The following TDRD3 variants were observed in gnomAD, a reference collection of about 807,000 sequenced individuals.
The protein encoded by TDRD3 is tudor domain-containing protein 3.
In TDRD3, 45 loss-of-function variants were observed where a neutral mutation model predicts 86.7. The observed-to-expected ratio is 0.52, with a 90% CI of 0.41 to 0.67. The LOEUF is 0.67. TDRD3 is among the 30% of genes least tolerant of loss of function. TDRD3 has a pLI of 0.00. For synonymous variants in TDRD3, 298 were observed against 301.7 expected (o/e 0.99, Z 0.13); for missense variants, 814 against 889.0 (o/e 0.92, Z 1.07).
intron 12 of TDRD3, among the ~76,000 whole-genome samples, chr13:60,557,822 T>TTTTTTC (rs1958236448): frequency 8.0e-6 from 1 of 125,476 alleles, no homozygotes; most frequent in African/African-American, 2.9e-5. Flanking sequence ...TTTTCCTGAT[T>TTTTTTC]TTTTTTTTTT....
intron 5 of TDRD3, among the ~76,000 whole-genome samples, chr13:60,477,583 G>C (rs978419279): frequency 1.3e-5 from 2 of 152,042 alleles, no homozygotes; most frequent in Admixed American, 1.3e-4. Flanking sequence ...TAATATGAAG[G>C]AATGTTGAAT....
chr13:60,443,867 T>C (rs1470121519), intron 2 of TDRD3, among the ~76,000 whole-genome samples: 1 of 151,950 alleles, frequency 6.6e-6, no homozygotes, highest in Non-Finnish European at 1.5e-5. Flanking sequence ...ATCAGGATAA[T>C]TTATTAGTTT....
At chr13:60,464,318 T>G (rs1394566246) in intron 4 of TDRD3, among the ~76,000 whole-genome samples, 1 of 152,156 alleles carries the variant, frequency 6.6e-6, no homozygotes, top group Non-Finnish European at 1.5e-5. Flanking sequence ...TGTAAATTAG[T>G]GCAACCACCA....
intron 4 of TDRD3, among the ~76,000 whole-genome samples, chr13:60,461,958 T>A (rs1428275085): frequency 1.3e-5 from 2 of 152,178 alleles, no homozygotes; most frequent in Non-Finnish European, 2.9e-5. Context: ...AGAGGAAATG[T>A]GGTAGGTTGA....
chr13:60,483,338 T>TA (rs1956358525), intron 5 of TDRD3, among the ~76,000 whole-genome samples: 1 of 152,150 alleles, frequency 6.6e-6, no homozygotes. Flanking sequence ...CTGTTCTCTT[T>TA]AAGTAATTAG....
At chr13:60,462,246 A>C (rs765026878) in intron 4 of TDRD3, among the ~76,000 whole-genome samples, 8 of 152,202 alleles carry the variant, frequency 5.3e-5, no homozygotes, top group Non-Finnish European at 8.8e-5. Flanking sequence ...AAGACTTGCC[A>C]TGTAATGGCT....
intron 3 of TDRD3, among the ~76,000 whole-genome samples, chr13:60,450,906 C>T (rs541186624): frequency 1.1e-4 from 17 of 152,154 alleles, no homozygotes; most frequent in African/African-American, 3.9e-4. Flanking sequence ...GGTAGATGCC[C>T]CATATCGGGC....
chr13:60,513,770 C>T (rs1293879240), intron 10 of TDRD3, among the ~76,000 whole-genome samples: 1 of 152,232 alleles, frequency 6.6e-6, no homozygotes, highest in South Asian at 2.1e-4. Flanking sequence ...TGACTTGCTC[C>T]TCCTTGCCTT....
At chr13:60,507,978 C>G (rs543929688) in intron 8 of TDRD3, among the ~76,000 whole-genome samples, 2 of 152,180 alleles carry the variant, frequency 1.3e-5, no homozygotes, top group East Asian at 3.9e-4. Context: ...ATACACTGGT[C>G]ATATACAAAC....
intron 1 of TDRD3, among the ~76,000 whole-genome samples, chr13:60,412,510 A>G (rs11843497): frequency 6.6e-6 from 1 of 152,184 alleles, no homozygotes; most frequent in South Asian, 2.1e-4. Flanking sequence ...ATTTGCTTAT[A>G]AAAAGGGATT....
intron 1 of TDRD3, among the ~76,000 whole-genome samples, chr13:60,429,415 A>G (rs1954897375): frequency 6.6e-6 from 1 of 152,146 alleles, no homozygotes; most frequent in African/African-American, 2.4e-5. Context: ...TAAAATGGCT[A>G]ATTTTTCTCT....
At chr13:60,520,113 AAAT>A (rs1957258691) in intron 10 of TDRD3, among the ~76,000 whole-genome samples, 1 of 152,208 alleles carries the variant, frequency 6.6e-6, no homozygotes, top group African/African-American at 2.4e-5. Flanking sequence ...TGGGCATCAT[AAAT>A]ATGTTTATTT....
At chr13:60,501,896 T>C (rs1956841813) in intron 8 of TDRD3, among the ~76,000 whole-genome samples, 1 of 152,252 alleles carries the variant, frequency 6.6e-6, no homozygotes, top group African/African-American at 2.4e-5. Flanking sequence ...TTTATGCTTC[T>C]TTTTTGTTGG....
At chr13:60,494,678 T>C (rs1217677619) in intron 8 of TDRD3, 103 bp downstream of exon 8, 1 of 1,030,694 alleles carries the variant, frequency 9.7e-7, no homozygotes, top group African/African-American at 1.6e-5. Flanking sequence ...GTATTATGGA[T>C]AGATGTTATA....
intron 7 of TDRD3, among the ~76,000 whole-genome samples, chr13:60,488,362 C>T (rs1168322449): frequency 6.6e-6 from 1 of 152,016 alleles, no homozygotes; most frequent in African/African-American, 2.4e-5. Context: ...GGAAAGAACT[C>T]AGATAAAGAT....
At chr13:60,501,398 T>C (rs1956829261) in intron 8 of TDRD3, among the ~76,000 whole-genome samples, 1 of 152,180 alleles carries the variant, frequency 6.6e-6, no homozygotes, top group African/African-American at 2.4e-5. Flanking sequence ...TTCCGATGGG[T>C]TGTAATACTG....
chr13:60,418,505 G>C (rs960281955), intron 1 of TDRD3, among the ~76,000 whole-genome samples: 8 of 151,792 alleles, frequency 5.3e-5, no homozygotes, highest in Admixed American at 5.3e-4. Flanking sequence ...TGAATTCTTG[G>C]GACTAGTACA....
intron 7 of TDRD3, among the ~76,000 whole-genome samples, chr13:60,486,564 A>G (rs959209730): frequency 2.3e-4 from 35 of 152,218 alleles, no homozygotes; most frequent in African/African-American, 8.0e-4. Context: ...GTAATGATGA[A>G]ATCAGGGTAA....
chr13:60,555,828 GA>G (rs541026401), intron 12 of TDRD3, among the ~76,000 whole-genome samples: 2 of 146,986 alleles, frequency 1.4e-5, no homozygotes, highest in South Asian at 2.1e-4. Context: ...CATAGGGTAG[GA>G]AAAAAAACCA....
Sources: gnomAD v4.1 joint callset for allele counts (sites outside exome capture counted in the v4.1 genomes callset) on GRCh38, gnomAD v4.1.1 for gene constraint, MANE v1.5 for transcripts, NCBI Gene and HGNC (gene_info 2026-07-23, HGNC 2026-07-21) for gene names.